Variants in HBS1L observed in about 807,000 individuals in gnomAD.
HBS1L encodes HBS1 like translational GTPase.
Under a neutral mutation model 88.9 loss-of-function variants are expected in HBS1L, and 55 were observed. The ratio of observed to expected loss-of-function variants is 0.62; its 90% CI spans 0.50 to 0.77. The LOEUF is 0.77. HBS1L is among the 30% of genes least tolerant of loss of function. The pLI is 0.00. For missense variants in HBS1L, 741 were observed against 829.3 expected (o/e 0.89, Z 1.31); for synonymous variants, 267 against 288.5 (o/e 0.93, Z 0.76).
intron 1 of HBS1L, among the ~76,000 whole-genome samples, chr6:135,053,886 C>A (rs953351145): frequency 6.6e-6 from 1 of 152,254 alleles, no homozygotes; most frequent in African/African-American, 2.4e-5. Flanking sequence ...CTCCTGTTAA[C>A]TCCTACAGAA....
rs1774176641 is a variant in HBS1L at position 134,961,090 on chromosome 6, C to CTTTTTTTTTTTTTGTT, written c.*4188_*4189insAACAAAAAAAAAAAAA. 1 of 106,222 alleles carries CTTTTTTTTTTTTTGTT rather than the reference C, an allele frequency of 9.4e-6. No individual in the cohort carries two copies. Among genetic ancestry groups the CTTTTTTTTTTTTTGTT allele is most frequent in the Non-Finnish European group, 1.8e-5 (1 of 54,260 alleles). The allele number at this position is 106,222 out of a possible 1,614,324, so 6.6% of individuals were successfully genotyped here. On this transcript the variant is annotated 3_prime_UTR_variant, in exon 18 of 18. Coordinates refer to ENST00000367837, the MANE Select transcript of HBS1L (RefSeq NM_006620.4). ...TTGCTGTACAGACTTAGTTTCTTTG[C>CTTTTTTTTTTTTTGTT]TTTTTTTTTTTTTTTTTTTGCATTG...
intron 2 of HBS1L, among the ~76,000 whole-genome samples, chr6:135,045,188 T>C (rs552076945): frequency 2.0e-5 from 3 of 152,140 alleles, no homozygotes; most frequent in African/African-American, 7.2e-5. Flanking sequence ...ACCTCTGAAG[T>C]TGTACTGAGA....
In HBS1L at chr6:135,054,685, G is replaced by A; in HGVS notation, c.7C>T (p.Arg3Trp). The part of the protein sequence containing the change: MA[R>W]HRNVRGYNYD... ...TTATAGCCTCGAACATTCCGATGCC[G>A]GGCCATGACGGCGGAGAGGGCGTTT... Residue 3 changes from arginine to tryptophan, a missense_variant, in exon 1 of 18, where the codon CGG (arginine) becomes TGG (tryptophan). Coordinates refer to ENST00000367837, the MANE Select transcript of HBS1L (RefSeq NM_006620.4). The A allele has an allele frequency of 1.2e-6, 2 of 1,614,204 alleles. No individual in the cohort carries two copies. Among genetic ancestry groups the A allele is most frequent in the Non-Finnish European group, 1.7e-6 (2 of 1,180,036 alleles).
intron 4 of HBS1L, chr6:135,037,062 G>A: frequency 6.4e-7 from 1 of 1,551,642 alleles, no homozygotes; most frequent in Non-Finnish European, 8.7e-7. Context: ...TCTGAGAGTT[G>A]TCTACATCAA....
rs1365916364 is a variant in HBS1L, at chr6:135,040,344, C to CCTTTTTTTTTTTTTTT, written c.236-578_236-577insAAAAAAAAAAAAAAAG. Among the ~76,000 whole-genome samples, 13 of 110,060 alleles carry CCTTTTTTTTTTTTTTT rather than the reference C, an allele frequency of 1.2e-4. 1 individual carries two copies. The highest frequency in any genetic ancestry group is 4.6e-4 in the African/African-American group (13 of 28,072). 72.2% of individuals were successfully genotyped at this position (110,060 alleles called of 152,430 possible). A position where few individuals can be genotyped will look rare whatever the true frequency, so the allele number is the denominator to read the frequency against. On this transcript the variant is annotated intron_variant, in intron 3 of 17. Transcript: ENST00000367837. ...GGAGATTAAGGGGAGGATAGGCATT[C>CCTTTTTTTTTTTTTTT]TTTTTTTTTTTTTTTTTTTTTTTTG...
chr6:135,034,534 C>A (rs908150095), intron 4 of HBS1L, among the ~76,000 whole-genome samples: 1 of 152,190 alleles, frequency 6.6e-6, no homozygotes, highest in African/African-American at 2.4e-5. Flanking sequence ...ATCCCAGCTA[C>A]TCGGGGGGCT....
chr6:135,046,809 G>A (rs1776926757), intron 2 of HBS1L, among the ~76,000 whole-genome samples: 1 of 152,164 alleles, frequency 6.6e-6, no homozygotes, highest in African/African-American at 2.4e-5. Context: ...AATACAATCA[G>A]CTTTTCAATG....
intron 4 of HBS1L, among the ~76,000 whole-genome samples, chr6:135,027,448 A>T (rs1430569449): frequency 6.6e-6 from 1 of 152,096 alleles, no homozygotes; most frequent in Non-Finnish European, 1.5e-5. Flanking sequence ...CTCTTGGCTT[A>T]AAAACGAAAT....
At position 135,027,212 on chromosome 6, in the gene HBS1L, A is replaced by AAAAAG. The variant is rs1562304942; in HGVS notation, c.430+12356_430+12360dup. 9 of 128,948 alleles carry AAAAAG rather than the reference A, an allele frequency of 7.0e-5. No homozygotes were observed. The East Asian group carries it at 2.0e-3, about 29-fold the overall frequency. The allele number at this position is 128,948 out of a possible 1,614,324, so 8.0% of individuals were successfully genotyped here. A position where few individuals can be genotyped will look rare whatever the true frequency, so the allele number is the denominator to read the frequency against. On this transcript the variant is annotated intron_variant, in intron 4 of 17. Transcript: ENST00000367837. ...CAAAAAAAAAAAAAAAAAAAAAAAA[A>AAAAAG]AAAAGAAAAGAAAAAATAGCTAACA...
chr6:134,986,898 T>C, intron 9 of HBS1L, 88 bp from the exon 10 acceptor site: 1 of 456,936 alleles, frequency 2.2e-6, no homozygotes. Context: ...TAATCAAGAC[T>C]ATATAAAATA....
chr6:135,031,911 C>A (rs1335568192), intron 4 of HBS1L, among the ~76,000 whole-genome samples: 1 of 150,716 alleles, frequency 6.6e-6, no homozygotes, highest in African/African-American at 2.4e-5. Flanking sequence ...AAGTGATAAT[C>A]CCCCTGCCTC....
intron 5 of HBS1L, 84 bp from the exon 6 acceptor site, chr6:134,997,740 T>G: frequency 1.6e-6 from 2 of 1,272,952 alleles, no homozygotes; most frequent in Non-Finnish European, 2.3e-6. Context: ...AAACTGTTTC[T>G]TCATAATCCT....
In HBS1L at chr6:135,019,098, AGCATT is replaced by A. The variant is rs201158396; in HGVS notation, c.431-16261_431-16257del. ...TAATATATGCTATAATGGCTCATTC[AGCATT>A]GCAACCACCAGAAAAAATAAGAACT... On this transcript the variant is annotated intron_variant, in intron 4 of 17. Coordinates refer to ENST00000367837, the MANE Select transcript of HBS1L (RefSeq NM_006620.4). Among the ~76,000 whole-genome samples the A allele has an allele frequency of 6.7e-3, 1,015 of 152,094 alleles. 10 individuals carry two copies. The highest frequency in any genetic ancestry group is 0.02 in the African/African-American group (843 of 41,540).
intron 4 of HBS1L, among the ~76,000 whole-genome samples, chr6:135,035,472 G>C (rs943929037): frequency 3.3e-5 from 5 of 150,816 alleles, no homozygotes; most frequent in African/African-American, 1.2e-4. Flanking sequence ...CGGGTGCAGT[G>C]GCTCACGCCT....
In HBS1L at chr6:135,050,669, T is replaced by C. The variant is rs768801112; in HGVS notation, c.44-22A>G. ...AAATCTAAAATAAAGACAAAAGAGA[T>C]AAATTCATTTACAAGTTCTTTTTAT... On this transcript the variant is annotated intron_variant, in intron 1 of 17. Coordinates refer to ENST00000367837, the MANE Select transcript of HBS1L (RefSeq NM_006620.4). 5 of 1,442,152 alleles carry C rather than the reference T, an allele frequency of 3.5e-6. No individual in the cohort carries two copies. In the South Asian group the frequency reaches 5.0e-5, roughly 15 times the overall value. The allele number at this position is 1,442,152 out of a possible 1,614,324, so 89.3% of individuals were successfully genotyped here.
At chr6:135,005,390 A>G (rs1460596533) in intron 4 of HBS1L, among the ~76,000 whole-genome samples, 3 of 152,242 alleles carry the variant, frequency 2.0e-5, no homozygotes, top group Non-Finnish European at 4.4e-5. Flanking sequence ...CACACACTTC[A>G]GGGCAGAAAC....
chr6:135,003,140 C>T (rs560249214), intron 4 of HBS1L, among the ~76,000 whole-genome samples: 1 of 152,284 alleles, frequency 6.6e-6, no homozygotes, highest in South Asian at 2.1e-4. Context: ...AGTTTCTGCA[C>T]TGAGCCTTGT....
chr6:135,030,555 C>G (rs1776355526), intron 4 of HBS1L, among the ~76,000 whole-genome samples: 1 of 152,196 alleles, frequency 6.6e-6, no homozygotes, highest in East Asian at 1.9e-4. Context: ...AAAATTAGAT[C>G]TTTAGTTTAG....
At chr6:135,026,503 A>C (rs886278805) in intron 4 of HBS1L, among the ~76,000 whole-genome samples, 1 of 152,172 alleles carries the variant, frequency 6.6e-6, no homozygotes, top group African/African-American at 2.4e-5. Flanking sequence ...TTAAAATGAC[A>C]GACATTATTA....
Sources: allele counts gnomAD v4.1 joint callset (sites outside exome capture counted in the v4.1 genomes callset), GRCh38; gene constraint gnomAD v4.1.1; transcripts MANE v1.5; gene names NCBI Gene and HGNC (gene_info 2026-07-23, HGNC 2026-07-21).